The following HECW2 variants were observed in gnomAD, a reference collection of about 807,000 sequenced individuals.
HECW2 encodes HECT, C2 and WW domain containing E3 ubiquitin protein ligase 2, also known as E3 ubiquitin-protein ligase HECW2.
Under a neutral mutation model 175.2 loss-of-function variants are expected in HECW2, and 61 were observed. That is an observed-to-expected ratio of 0.35 (90% confidence interval 0.28 to 0.43). The LOEUF (loss-of-function observed/expected upper bound fraction) is 0.43. Ranked by LOEUF, HECW2 falls within the 20% of genes least tolerant of loss-of-function variation. The probability of loss-of-function intolerance (pLI) is 1.00; values close to 1 mark genes in which losing one functional copy is unlikely to be tolerated. For synonymous variants in HECW2, 671 were observed against 731.0 expected, an observed-to-expected ratio of 0.92 and a Z score of 1.32; for missense variants, 1,524 against 2,000.5, an observed-to-expected ratio of 0.76 and a Z score of 4.54.
intron 1 of HECW2, among the ~76,000 whole-genome samples, chr2:196,517,234 T>A (rs1688183076): frequency 6.6e-6 from 1 of 152,170 alleles, no homozygotes; most frequent in African/African-American, 2.4e-5. Flanking sequence ...TAAGCCAGTA[T>A]TTGAAGTTCT....
chr2:196,417,925 C>T (rs544329913), intron 2 of HECW2, among the ~76,000 whole-genome samples: 9 of 152,242 alleles, frequency 5.9e-5, no homozygotes, highest in African/African-American at 2.2e-4. Flanking sequence ...AAAAAAAACC[C>T]TACTATTTAC....
intron 1 of HECW2, among the ~76,000 whole-genome samples, chr2:196,472,508 A>G (rs1363284337): frequency 6.6e-6 from 1 of 151,350 alleles, no homozygotes; most frequent in Non-Finnish European, 1.5e-5. Context: ...AAAAAAAGTG[A>G]AATAGTAACT....
In HECW2 at chr2:196,304,156, C is replaced by T. The variant is rs143301101; in HGVS notation, c.2814+2332G>A. Among the ~76,000 whole-genome samples, 505 of 152,298 alleles carry T rather than the reference C, an allele frequency of 3.3e-3. 10 individuals carry two copies. Among genetic ancestry groups the T allele is most frequent in the Admixed American group, 4.5e-3 (69 of 15,292 alleles). ...AAGCCCAACCTTCTGTAGCCCTGCACGCTTCCCTGACCATATTATGTGCCA... is the reference window on the plus strand; with the variant it reads ...AAGCCCAACCTTCTGTAGCCCTGCATGCTTCCCTGACCATATTATGTGCCA... On this transcript the variant is annotated intron_variant, in intron 13 of 28. Coordinates refer to ENST00000644978, the MANE Select transcript of HECW2 (RefSeq NM_001348768.2).
chr2:196,501,695 ACT>A (rs1335162561), intron 1 of HECW2, among the ~76,000 whole-genome samples: 1 of 152,196 alleles, frequency 6.6e-6, no homozygotes, highest in Non-Finnish European at 1.5e-5. Context: ...AATGTAAAAG[ACT>A]CTCAATATCT....
chr2:196,529,295 C>G (rs977360491), intron 1 of HECW2, among the ~76,000 whole-genome samples: 2 of 152,118 alleles, frequency 1.3e-5, no homozygotes, highest in South Asian at 4.2e-4. Flanking sequence ...TTGCCATCTC[C>G]CTTCACACTT....
At chr2:196,443,231 T>C (rs1190838968) in intron 1 of HECW2, among the ~76,000 whole-genome samples, 1 of 152,084 alleles carries the variant, frequency 6.6e-6, no homozygotes, top group African/African-American at 2.4e-5. Flanking sequence ...ATTAAATTAG[T>C]GAAAACGAAG....
chr2:196,361,507 T>C (rs1332634505), intron 2 of HECW2, among the ~76,000 whole-genome samples: 1 of 152,148 alleles, frequency 6.6e-6, no homozygotes, highest in Non-Finnish European at 1.5e-5. Flanking sequence ...TTCTTGTAGG[T>C]AGAACCTGTA....
intron 2 of HECW2, among the ~76,000 whole-genome samples, chr2:196,429,466 A>G (rs564504503): frequency 3.9e-4 from 59 of 152,216 alleles, no homozygotes; most frequent in Non-Finnish European, 6.9e-4. Flanking sequence ...GGAAATGGCT[A>G]GAGGGGAAAA....
In HECW2 at chr2:196,455,937, T is replaced by C. The variant is rs181835009; in HGVS notation, c.-35-22479A>G. Among the ~76,000 whole-genome samples, 7 of 152,080 alleles carry C rather than the reference T, an allele frequency of 4.6e-5. No homozygotes were observed. In the East Asian group the frequency reaches 1.3e-3, roughly 29 times the overall value. On this transcript the variant is annotated intron_variant, in intron 1 of 28. Transcript: ENST00000644978. Reference sequence around the variant, plus strand: ...ATAAAAAATATTGAGCCCTTTAACTTTAAGGATAACATTTTCATCTAGTAT... The same window carrying C: ...ATAAAAAATATTGAGCCCTTTAACTCTAAGGATAACATTTTCATCTAGTAT...
chr2:196,247,292 G>A (rs1688683520), intron 19 of HECW2, among the ~76,000 whole-genome samples: 1 of 152,154 alleles, frequency 6.6e-6, no homozygotes, highest in Admixed American at 6.5e-5. Flanking sequence ...AAATTATGCT[G>A]TTGGCCTTTG....
chr2:196,588,039 T>C (rs1304438276), intron 1 of HECW2, among the ~76,000 whole-genome samples: 2 of 152,214 alleles, frequency 1.3e-5, no homozygotes, highest in East Asian at 3.8e-4. Flanking sequence ...CGTTAACTCT[T>C]TGCTTAAGGT....
chr2:196,370,669 T>A (rs767843959), intron 2 of HECW2, among the ~76,000 whole-genome samples: 1 of 152,144 alleles, frequency 6.6e-6, no homozygotes, highest in Non-Finnish European at 1.5e-5. Flanking sequence ...ATTTAACCCA[T>A]GGTGGCGAGG....
chr2:196,310,841 C>T (rs1392075230), intron 10 of HECW2, among the ~76,000 whole-genome samples: 2 of 150,778 alleles, frequency 1.3e-5, no homozygotes, highest in African/African-American at 4.9e-5. Flanking sequence ...TGGCTTGACA[C>T]ACTTTCACTA....
intron 1 of HECW2, among the ~76,000 whole-genome samples, chr2:196,475,794 T>C (rs918391116): frequency 2.6e-5 from 4 of 152,256 alleles, no homozygotes; most frequent in Non-Finnish European, 4.4e-5. Flanking sequence ...CAAGGACTCC[T>C]CTGATTGGCC....
At chr2:196,334,354 G>A (rs1177603285) in intron 4 of HECW2, 70 bp downstream of exon 4, 28 of 1,152,818 alleles carry the variant, frequency 2.4e-5, no homozygotes, top group Middle Eastern at 2.8e-4. Context: ...TGTCAGGGCC[G>A]CACAGGTAAA....
At chr2:196,407,131 T>G (rs1694986359) in intron 2 of HECW2, among the ~76,000 whole-genome samples, 1 of 152,096 alleles carries the variant, frequency 6.6e-6, no homozygotes, top group South Asian at 2.1e-4. Context: ...AATACGAGCT[T>G]TCTGGTATAA....
chr2:196,504,806 A>G (rs553488242), intron 1 of HECW2, among the ~76,000 whole-genome samples: 3 of 152,326 alleles, frequency 2.0e-5, no homozygotes, highest in African/African-American at 7.2e-5. Flanking sequence ...AGTCTCTGGA[A>G]CTGTGCTTTT....
rs762426715 is a variant in HECW2 at position 196,317,399 on chromosome 2, A to G, written c.2339-30T>C. 14 of 1,499,874 alleles carry G rather than the reference A, an allele frequency of 9.3e-6. 1 individual carries two copies. The Admixed American group carries it at 2.3e-4, about 25-fold the overall frequency. 92.9% of individuals were successfully genotyped at this position (1,499,874 alleles called of 1,614,324 possible). A position where few individuals can be genotyped will look rare whatever the true frequency, so the allele number is the denominator to read the frequency against. On this transcript the variant is annotated intron_variant, in intron 9 of 28. Coordinates refer to ENST00000644978, the MANE Select transcript of HECW2 (RefSeq NM_001348768.2). ...GATTAAAGGTAGAAAGTTACCAGGT[A>G]TTGTTTTCTCTTTCAGTATCAAAAC...
intron 1 of HECW2, among the ~76,000 whole-genome samples, chr2:196,557,894 T>C (rs1689863290): frequency 6.6e-6 from 1 of 152,116 alleles, no homozygotes; most frequent in Non-Finnish European, 1.5e-5. Context: ...ACAATGAAAA[T>C]TTCTGTTTTG....
Sources: gnomAD v4.1 joint callset for allele counts (sites outside exome capture counted in the v4.1 genomes callset) on GRCh38, gnomAD v4.1.1 for gene constraint, MANE v1.5 for transcripts, NCBI Gene and HGNC (gene_info 2026-07-23, HGNC 2026-07-21) for gene names.